The following STXBP5L variants were observed in gnomAD, a reference collection of about 807,000 sequenced individuals.
STXBP5L encodes syntaxin binding protein 5L.
A neutral mutation model predicts 144.5 loss-of-function variants in STXBP5L; 65 were observed. The observed-to-expected ratio is 0.45, with a 90% CI of 0.37 to 0.55. The LOEUF (loss-of-function observed/expected upper bound fraction) is 0.55, where lower values mean the gene tolerates loss of function less well. Ranked by LOEUF, STXBP5L falls within the 20% of genes least tolerant of loss-of-function variation. STXBP5L has a pLI of 0.00. For missense variants in STXBP5L, 1,298 were observed against 1,405.5 expected (o/e 0.92, Z 1.22); for synonymous variants, 505 against 469.6 (o/e 1.08, Z -0.97).
chr3:121,200,977 G>T (rs917259883), intron 9 of STXBP5L, among the ~76,000 whole-genome samples: 1 of 152,210 alleles, frequency 6.6e-6, no homozygotes, highest in African/African-American at 2.4e-5. Flanking sequence ...GTGGTGGAGA[G>T]TTCTGCAGAT....
intron 18 of STXBP5L, among the ~76,000 whole-genome samples, chr3:121,274,836 G>A (rs1382334133): frequency 6.6e-6 from 1 of 152,132 alleles, no homozygotes; most frequent in Non-Finnish European, 1.5e-5. Context: ...AGTAACGTGG[G>A]TCCAGCGACA....
At chr3:121,314,915 C>A (rs1313170606) in intron 19 of STXBP5L, among the ~76,000 whole-genome samples, 1 of 152,138 alleles carries the variant, frequency 6.6e-6, no homozygotes, top group Non-Finnish European at 1.5e-5. Context: ...CAGAGAAATG[C>A]AAATCAAAAC....
intron 3 of STXBP5L, among the ~76,000 whole-genome samples, chr3:120,966,863 A>T (rs1281084149): frequency 6.6e-6 from 1 of 152,106 alleles, no homozygotes; most frequent in Non-Finnish European, 1.5e-5. Flanking sequence ...AAGTCTGCAG[A>T]AGTTGTCTGC....
chr3:121,234,268 C>T (rs575473488), intron 12 of STXBP5L, among the ~76,000 whole-genome samples: 1 of 152,136 alleles, frequency 6.6e-6, no homozygotes, highest in Admixed American at 6.6e-5. Flanking sequence ...ATTGTATGTT[C>T]TTCGCCCACT....
chr3:121,076,512 C>A (rs1042724614), intron 5 of STXBP5L, among the ~76,000 whole-genome samples: 2 of 152,132 alleles, frequency 1.3e-5, no homozygotes, highest in African/African-American at 4.8e-5. Flanking sequence ...AAGTAGGCTG[C>A]AGTGCCCTGC....
At chr3:120,977,590 A>T (rs1941221212) in intron 3 of STXBP5L, among the ~76,000 whole-genome samples, 1 of 152,096 alleles carries the variant, frequency 6.6e-6, no homozygotes, top group African/African-American at 2.4e-5. Flanking sequence ...TGTCATTATG[A>T]TGTTAGCTGG....
chr3:121,055,354 T>G (rs973998174), intron 5 of STXBP5L, among the ~76,000 whole-genome samples: 17 of 152,128 alleles, frequency 1.1e-4, no homozygotes, highest in Non-Finnish European at 2.4e-4. Context: ...CTAAGTACTC[T>G]TATGTTTATG....
intron 5 of STXBP5L, among the ~76,000 whole-genome samples, chr3:121,054,053 AC>A (rs1195503085): frequency 2.0e-5 from 3 of 152,160 alleles, no homozygotes; most frequent in Non-Finnish European, 4.4e-5. Context: ...ACCATCTCAC[AC>A]CCGTTAGAAT....
chr3:121,338,811 T>A (rs1048642137), intron 20 of STXBP5L, among the ~76,000 whole-genome samples: 1 of 152,074 alleles, frequency 6.6e-6, no homozygotes, highest in Non-Finnish European at 1.5e-5. Flanking sequence ...AATTAATAAA[T>A]TCCTGGAAAC....
chr3:120,999,316 G>A (rs1364111693), intron 3 of STXBP5L, among the ~76,000 whole-genome samples: 2 of 152,180 alleles, frequency 1.3e-5, no homozygotes, highest in African/African-American at 4.8e-5. Context: ...GCCTTCCAAA[G>A]TGCTGAGATT....
At chr3:121,309,214 C>A (rs1372634033) in intron 19 of STXBP5L, among the ~76,000 whole-genome samples, 1 of 151,574 alleles carries the variant, frequency 6.6e-6, no homozygotes, top group Non-Finnish European at 1.5e-5. Context: ...GATTGTGAGA[C>A]TTTTTTTTAA....
At chr3:121,090,516 A>G (rs2042725930) in intron 5 of STXBP5L, among the ~76,000 whole-genome samples, 1 of 152,192 alleles carries the variant, frequency 6.6e-6, no homozygotes, top group South Asian at 2.1e-4. Flanking sequence ...GCATGAAAAT[A>G]GACTTCCATA....
At chr3:121,049,505 C>G (rs1947784267) in intron 5 of STXBP5L, 1 of 154,194 alleles carries the variant, frequency 6.5e-6, no homozygotes, top group Non-Finnish European at 1.5e-5. Flanking sequence ...GTACACTCCC[C>G]AGCCTGAGGG....
At chr3:121,058,034 T>C (rs907579993) in intron 5 of STXBP5L, among the ~76,000 whole-genome samples, 1 of 152,170 alleles carries the variant, frequency 6.6e-6, no homozygotes, top group Admixed American at 6.6e-5. Flanking sequence ...AGTGCAGGTT[T>C]GTTACATAGG....
chr3:121,051,630 A>G (rs1560059966), intron 5 of STXBP5L, among the ~76,000 whole-genome samples: 1 of 152,210 alleles, frequency 6.6e-6, no homozygotes. Flanking sequence ...CACAAGAGAA[A>G]GCAGGAAAGA....
intron 6 of STXBP5L, among the ~76,000 whole-genome samples, chr3:121,120,982 T>C (rs965319983): frequency 2.0e-5 from 3 of 151,162 alleles, no homozygotes; most frequent in South Asian, 2.1e-4. Flanking sequence ...GATATGAGAG[T>C]AGAATAAATT....
intron 7 of STXBP5L, among the ~76,000 whole-genome samples, chr3:121,150,241 C>A (rs1007796105): frequency 1.3e-5 from 2 of 151,908 alleles, no homozygotes; most frequent in Non-Finnish European, 2.9e-5. Context: ...GAAGAAGTAA[C>A]CCTACTTCTT....
intron 5 of STXBP5L, among the ~76,000 whole-genome samples, chr3:121,103,747 T>C (rs2043551490): frequency 1.3e-5 from 2 of 152,174 alleles, no homozygotes; most frequent in African/African-American, 4.8e-5. Context: ...ATAAAATGCT[T>C]GCATTACAAA....
At chr3:120,968,244 T>A (rs1939829663) in intron 3 of STXBP5L, among the ~76,000 whole-genome samples, 1 of 152,194 alleles carries the variant, frequency 6.6e-6, no homozygotes, top group Non-Finnish European at 1.5e-5. Context: ...TCTCTCTCTT[T>A]AGGTCTGTTA....
Sources: gnomAD v4.1 joint callset for allele counts (sites outside exome capture counted in the v4.1 genomes callset) on GRCh38, gnomAD v4.1.1 for gene constraint, MANE v1.5 for transcripts, NCBI Gene and HGNC (gene_info 2026-07-23, HGNC 2026-07-21) for gene names.